The following PSD3 variants were observed in gnomAD, a reference collection of about 807,000 sequenced individuals.
PSD3 encodes PH and SEC7 domain-containing protein 3.
PSD3 carries 49 observed loss-of-function variants against 105.5 expected under a neutral mutation model. The ratio of observed to expected loss-of-function variants is 0.46; its 90% CI spans 0.37 to 0.59. The LOEUF (loss-of-function observed/expected upper bound fraction) is 0.59. Ranked by LOEUF, PSD3 falls within the 20% of genes least tolerant of loss-of-function variation. PSD3 has a pLI of 0.00. For missense variants in PSD3, 1,561 were observed against 1,263.8 expected (o/e 1.24, Z -3.57); for synonymous variants, 557 against 457.8 (o/e 1.22, Z -2.77).
intron 1 of PSD3, among the ~76,000 whole-genome samples, chr8:18,960,879 G>A (rs1238922056): frequency 6.6e-6 from 1 of 152,108 alleles, no homozygotes; most frequent in Non-Finnish European, 1.5e-5. Flanking sequence ...GAGCACAGGA[G>A]TTTGAGATCA....
At chr8:18,955,148 G>A (rs1376101404) in intron 1 of PSD3, among the ~76,000 whole-genome samples, 1 of 152,214 alleles carries the variant, frequency 6.6e-6, no homozygotes, top group Non-Finnish European at 1.5e-5. Flanking sequence ...TGCTCCAGGT[G>A]TGGGTAGGCT....
chr8:18,633,215 A>G (rs1807025362), intron 10 of PSD3, among the ~76,000 whole-genome samples: 1 of 152,080 alleles, frequency 6.6e-6, no homozygotes, highest in African/African-American at 2.4e-5. Context: ...TGACTTACGT[A>G]TTTCTACAGG....
chr8:18,615,332 TTAGTTTAGCC>T (rs1805580396), intron 11 of PSD3, among the ~76,000 whole-genome samples: 1 of 152,120 alleles, frequency 6.6e-6, no homozygotes, highest in South Asian at 2.1e-4. Flanking sequence ...TCAATCGGAA[TTAGTTTAGCC>T]TGTGCGGTCT....
At chr8:18,859,131 A>G (rs532427508) in intron 4 of PSD3, among the ~76,000 whole-genome samples, 1 of 152,262 alleles carries the variant, frequency 6.6e-6, no homozygotes, top group South Asian at 2.1e-4. Flanking sequence ...GGCGGGCATT[A>G]GAACTACATC....
intron 1 of PSD3, among the ~76,000 whole-genome samples, chr8:18,982,765 T>C (rs988620468): frequency 6.6e-6 from 1 of 152,228 alleles, no homozygotes; most frequent in Admixed American, 6.5e-5. Context: ...ATGCTGCTAA[T>C]AGACGTCCTG....
At chr8:18,772,698 TG>T (rs1807653738) in intron 8 of PSD3, among the ~76,000 whole-genome samples, 1 of 152,044 alleles carries the variant, frequency 6.6e-6, no homozygotes, top group African/African-American at 2.4e-5. Context: ...TTAGTAGAGA[TG>T]GGGTTTTACC....
chr8:18,997,449 C>T (rs981754805), intron 1 of PSD3, among the ~76,000 whole-genome samples: 1 of 151,948 alleles, frequency 6.6e-6, no homozygotes, highest in African/African-American at 2.4e-5. Context: ...TAGGTTACAA[C>T]AGCCTCCCAA....
intron 11 of PSD3, among the ~76,000 whole-genome samples, chr8:18,627,769 T>C (rs1466946844): frequency 2.0e-5 from 3 of 149,856 alleles, no homozygotes; most frequent in Non-Finnish European, 4.4e-5. Context: ...AAATTCACAA[T>C]GTCTGGCACT....
intron 8 of PSD3, among the ~76,000 whole-genome samples, chr8:18,791,524 A>G (rs1291290694): frequency 6.6e-6 from 1 of 152,222 alleles, no homozygotes; most frequent in East Asian, 1.9e-4. Context: ...CTGGGTAGCC[A>G]TACGCAGAAA....
intron 1 of PSD3, among the ~76,000 whole-genome samples, chr8:18,970,344 A>AAAAAAAAAAAAAAAAAAAAAAG: frequency 6.7e-6 from 1 of 148,410 alleles, no homozygotes; most frequent in African/African-American, 2.5e-5. Context: ...AAAAAAAAAA[A>AAAAAAAAAAAAAAAAAAAAAAG]AAAACAAAGA....
intron 2 of PSD3, among the ~76,000 whole-genome samples, chr8:18,920,876 T>C (rs1183050871): frequency 1.3e-5 from 2 of 152,112 alleles, no homozygotes; most frequent in African/African-American, 2.4e-5. Context: ...CCAAACAATA[T>C]GAATAGAGGT....
At chr8:18,715,275 A>G (rs1802511588) in intron 9 of PSD3, among the ~76,000 whole-genome samples, 1 of 152,204 alleles carries the variant, frequency 6.6e-6, no homozygotes, top group African/African-American at 2.4e-5. Context: ...TGTAAAATTA[A>G]AAGAAAAAAA....
At chr8:18,636,535 T>C (rs1297397913) in intron 10 of PSD3, among the ~76,000 whole-genome samples, 7 of 152,234 alleles carry the variant, frequency 4.6e-5, no homozygotes. Context: ...TCTACAGTAC[T>C]GTGTAGTAAT....
chr8:18,659,778 C>T (rs996264075), intron 9 of PSD3, among the ~76,000 whole-genome samples: 1 of 152,164 alleles, frequency 6.6e-6, no homozygotes, highest in Admixed American at 6.5e-5. Context: ...TACTCTTAGT[C>T]CATTTAGGAC....
intron 9 of PSD3, among the ~76,000 whole-genome samples, chr8:18,722,739 C>A (rs1433347658): frequency 6.6e-6 from 1 of 152,166 alleles, no homozygotes; most frequent in Non-Finnish European, 1.5e-5. Context: ...CTGGGATGCC[C>A]TGAGGCTGCC....
chr8:18,929,746 G>T (rs968749677), intron 2 of PSD3, among the ~76,000 whole-genome samples: 37 of 152,072 alleles, frequency 2.4e-4, no homozygotes, highest in African/African-American at 8.9e-4. Context: ...GCTTTCAAAA[G>T]AAGTTCTAAG....
chr8:18,773,728 G>A (rs1807767779), intron 8 of PSD3, among the ~76,000 whole-genome samples: 1 of 151,954 alleles, frequency 6.6e-6, no homozygotes, highest in Non-Finnish European at 1.5e-5. Context: ...TGACTATTCT[G>A]GGCCCTTTCC....
At chr8:18,711,534 T>C (rs1802256376) in intron 9 of PSD3, among the ~76,000 whole-genome samples, 1 of 152,078 alleles carries the variant, frequency 6.6e-6, no homozygotes, top group Non-Finnish European at 1.5e-5. Context: ...TACAAAGAAG[T>C]GCCTCACATA....
intron 2 of PSD3, among the ~76,000 whole-genome samples, chr8:18,889,409 C>A (rs1465615838): frequency 6.6e-6 from 1 of 152,104 alleles, no homozygotes; most frequent in Non-Finnish European, 1.5e-5. Flanking sequence ...GATATACAAA[C>A]CAACCAATCC....
Sources: allele counts gnomAD v4.1 joint callset (sites outside exome capture counted in the v4.1 genomes callset), GRCh38; gene constraint gnomAD v4.1.1; transcripts MANE v1.5; gene names NCBI Gene and HGNC (gene_info 2026-07-23, HGNC 2026-07-21).